COL9A2: variants seen among roughly 807,000 people sequenced by gnomAD.
COL9A2 encodes the protein collagen type IX alpha 2 chain, also known as collagen alpha-2(IX) chain.
A neutral mutation model predicts 111.6 loss-of-function variants in COL9A2; 66 were observed. That is an observed-to-expected ratio of 0.59 (90% CI 0.48 to 0.73). The LOEUF (loss-of-function observed/expected upper bound fraction) is 0.73. Among genes scored for constraint, COL9A2 ranks in the 30% least tolerant of loss-of-function variants. The pLI is 0.00. For synonymous variants in COL9A2, 353 were observed against 364.1 expected, an observed-to-expected ratio of 0.97 and a Z score of 0.35; for missense variants, 881 against 954.1, an observed-to-expected ratio of 0.92 and a Z score of 1.01.
Position 40,308,200 on chromosome 1 carries a change from C to T in COL9A2, c.892G>A (p.Gly298Arg). The T allele has an allele frequency of 6.2e-7, 1 of 1,614,154 alleles. No individual in the cohort carries two copies. Among genetic ancestry groups the T allele is most frequent in the Admixed American group, 1.7e-5 (1 of 60,028 alleles). ...RGPQGITGPK[G>R]ATGPPGINGK... ...AGGCCTCTGGCACCTACCGTTGCTC[C>T]TTTCGGGCCTGTGATCCCCTGGGGT... Residue 298 changes from glycine to arginine, a missense_variant, in exon 17 of 32, where the codon GGA becomes AGA. Physicochemically the swap from Gly to Arg is moderately radical, Grantham distance 125. Transcript: ENST00000372748.
In COL9A2 at chr1:40,314,333, A is replaced by C; in HGVS notation, c.186+19T>G. On this transcript the variant is annotated intron_variant, in intron 3 of 31. Coordinates refer to ENST00000372748, the MANE Select transcript of COL9A2 (RefSeq NM_001852.4). This position sits in a 1 kb window ranked among gnomAD's most constrained non-coding sequence, Gnocchi z 4.1. Reference sequence around the variant, plus strand: ...CAAGAGCAGGAAGGGTCAAAGGCCAAAGAGGATAAAGCACTCACCGGAGGG... The same window carrying C: ...CAAGAGCAGGAAGGGTCAAAGGCCACAGAGGATAAAGCACTCACCGGAGGG... The C allele has an allele frequency of 6.2e-7, 1 of 1,614,212 alleles. No homozygotes were observed. The highest frequency in any genetic ancestry group is 1.1e-5 in the South Asian group (1 of 91,090).
chr1:40,303,519 G>T lies in COL9A2; in HGVS notation c.1548+11C>A, dbSNP rs567587686. ...TAGAAGAAGCACCTCCTACCCCGGG[G>T]CCCGACTCACCTCCACGCCCTGTCT... On this transcript the variant is annotated intron_variant, in intron 28 of 31. Coordinates refer to ENST00000372748, the MANE Select transcript of COL9A2 (RefSeq NM_001852.4). The surrounding 1 kb of genome is among the most constrained non-coding windows in gnomAD (Gnocchi z 4.6). The T allele has an allele frequency of 1.2e-6, 2 of 1,612,730 alleles. No individual in the cohort carries two copies. The highest frequency in any genetic ancestry group is 3.3e-5 in the Admixed American group (2 of 59,972).
intron 21 of COL9A2, 81 bp downstream of exon 21, chr1:40,305,634 G>C: frequency 7.6e-7 from 1 of 1,312,614 alleles, no homozygotes. Context: ...AGACTAACTC[G>C]GAGCTCTCCC....
In COL9A2 at chr1:40,304,194, T is replaced by TC. The variant is rs1193922126; in HGVS notation, c.1288-96dup. 96 of 1,516,612 alleles carry TC rather than the reference T, an allele frequency of 6.3e-5. No individual in the cohort carries two copies. The South Asian group carries it at 1.0e-3, about 16-fold the overall frequency. The allele number at this position is 1,516,612 out of a possible 1,614,324, so 93.9% of individuals were successfully genotyped here. ...CCACACCCCTCTTTCCAACTCCGCCTCGCCGACCAGACCAGAACCCTGAGA... is the reference window on the plus strand; with the variant it reads ...CCACACCCCTCTTTCCAACTCCGCCTCCGCCGACCAGACCAGAACCCTGAGA... On this transcript the variant is annotated intron_variant, in intron 24 of 31. Coordinates refer to ENST00000372748, the MANE Select transcript of COL9A2 (RefSeq NM_001852.4).
rs1216203199 is a variant in COL9A2 at position 40,307,871 on chromosome 1, C to T, written c.901-115G>A. 13 of 1,192,134 alleles carry T rather than the reference C, an allele frequency of 1.1e-5. No homozygotes were observed. The South Asian group carries it at 1.7e-4, about 15-fold the overall frequency. The allele number at this position is 1,192,134 out of a possible 1,614,324, so 73.8% of individuals were successfully genotyped here. ...TGTGCAGGGAGGGAGTGGCTCTGGT[C>T]ATCCCAGGAAGCCCCACTGGCCAAC... is the stretch of plus-strand genomic sequence containing the variant. On this transcript the variant is annotated intron_variant, in intron 17 of 31. Coordinates refer to ENST00000372748, the MANE Select transcript of COL9A2 (RefSeq NM_001852.4). The surrounding 1 kb of genome is among the most constrained non-coding windows in gnomAD (Gnocchi z 4.8).
intron 21 of COL9A2, chr1:40,305,138 G>T (rs954901142): frequency 1.1e-5 from 3 of 271,954 alleles, no homozygotes; most frequent in South Asian, 5.3e-5. Context: ...CGCGATCTCC[G>T]CTCACTGCAA....
chr1:40,317,285 TCGCGGGCAGGGTGGGC>T, exon 1 of COL9A2: 3 of 500,382 alleles, frequency 6.0e-6, no homozygotes, highest in East Asian at 7.8e-5. The surrounding 1 kb of genome is among the most constrained non-coding windows in gnomAD (Gnocchi z 4.3). Context: ...CGCTGGCTGT[TCGCGGGCAGGGTGGGC>T]TGGGGCTCCT....
intron 2 of COL9A2, chr1:40,315,231 A>G (rs1413275109): frequency 4.7e-6 from 5 of 1,073,874 alleles, no homozygotes; most frequent in South Asian, 3.1e-5. Context: ...AAGGCTCCCA[A>G]GCGAACCTGA....
At chr1:40,301,953 C>A in intron 30 of COL9A2, 64 bp from the exon 31 acceptor site, 1 of 1,478,076 alleles carries the variant, frequency 6.8e-7, no homozygotes, top group Non-Finnish European at 9.3e-7. Context: ...CTATTTTTTG[C>A]TATGTTTCAC....
At position 40,301,349 on chromosome 1, in the gene COL9A2, C is replaced by A; in HGVS notation, c.1903G>T (p.Gly635Cys). ...GGGGACCCTCGATCTCCATCCTTGC[C>A]GTTGATTGCCTGGCCAGGCCGGCCA... is the stretch of plus-strand genomic sequence containing the variant. Reference protein sequence around the residue: ...LPGRPGQAINGKDGDRGSPGA... With the variant: ...LPGRPGQAINCKDGDRGSPGA... Residue 635 changes from glycine to cysteine, a missense_variant, in exon 32 of 32, where the codon GGC (glycine) becomes TGC (cysteine). Coordinates refer to ENST00000372748, the MANE Select transcript of COL9A2 (RefSeq NM_001852.4). The A allele has an allele frequency of 1.2e-6, 2 of 1,608,962 alleles. 1 individual carries two copies. Among genetic ancestry groups the A allele is most frequent in the South Asian group, 2.2e-5 (2 of 90,808 alleles).
chr1:40,310,114 T>C lies in COL9A2; in HGVS notation c.789A>G (p.Pro263=). Residue 263 remains proline (P), a synonymous_variant, in exon 15 of 32, where the codon CCA becomes CCG. Coordinates refer to ENST00000372748, the MANE Select transcript of COL9A2 (RefSeq NM_001852.4). This position sits in a 1 kb window ranked among gnomAD's most constrained non-coding sequence, Gnocchi z 4.9. ...AGGGGAGCAAAAAGAGGCTTACCGG[T>C]GGCCCAGTGGCACCGATAGCGCCCA... ...GMVGAIGATG[P]PGEEGPRGPP... The C allele has an allele frequency of 6.2e-7, 1 of 1,613,970 alleles. No homozygotes were observed. Among genetic ancestry groups the C allele is most frequent in the Non-Finnish European group, 8.5e-7 (1 of 1,179,898 alleles).
In COL9A2 at chr1:40,315,619, G is replaced by C. The variant is rs941343688; in HGVS notation, c.121C>G (p.Pro41Ala). The change falls in exon 2 of 32, where the codon CCG becomes GCG. Residue 41 changes from proline (P) to alanine (A), a missense_variant. Physicochemically the swap from Pro to Ala is conservative, Grantham distance 27 (BLOSUM62 -1). Coordinates refer to ENST00000372748, the MANE Select transcript of COL9A2 (RefSeq NM_001852.4). ...ERGPPGPPGP[P>A]GVPGSDGIDG... ...ATGCCGTCGGATCCAGGCACTCCCG[G>C]CGGTCCCGGGGGACCCGGGGGGCCC... The C allele has an allele frequency of 4.4e-5, 68 of 1,553,248 alleles. No homozygotes were observed. Among genetic ancestry groups the C allele is most frequent in the Non-Finnish European group, 5.8e-5 (67 of 1,147,570 alleles).
Position 40,307,375 on chromosome 1 carries a change from G to A in COL9A2, c.1008+71C>T. The A allele has an allele frequency of 7.0e-7, 1 of 1,435,218 alleles. No homozygotes were observed. The allele number at this position is 1,435,218 out of a possible 1,614,324, so 88.9% of individuals were successfully genotyped here. ...AGGTGGTGATTGAGCAAGAGCCCCG[G>A]GTGTGTGTGGATTCTAACCTCATCA... is the stretch of plus-strand genomic sequence containing the variant. On this transcript the variant is annotated intron_variant, in intron 19 of 31. Coordinates refer to ENST00000372748, the MANE Select transcript of COL9A2 (RefSeq NM_001852.4). The surrounding 1 kb of genome is among the most constrained non-coding windows in gnomAD (Gnocchi z 4.8).
At chr1:40,315,500 C>CA in intron 2 of COL9A2, 90 bp downstream of exon 2, 1 of 1,436,582 alleles carries the variant, frequency 7.0e-7, no homozygotes. Context: ...TCTCCGGGCA[C>CA]CCCGAAGTCC....
At chr1:40,304,910 GC>G in intron 21 of COL9A2, 63 bp from the exon 22 acceptor site, 1 of 1,435,096 alleles carries the variant, frequency 7.0e-7, no homozygotes, top group Non-Finnish European at 9.5e-7. Context: ...TCCACACCTG[GC>G]CAGCCCCTCC....
chr1:40,316,547 C>A lies in COL9A2; in HGVS notation c.75+576G>T. The A allele has an allele frequency of 4.4e-6, 2 of 450,704 alleles. No homozygotes were observed. The highest frequency in any genetic ancestry group is 8.9e-6 in the Non-Finnish European group (2 of 224,450). The allele number at this position is 450,704 out of a possible 1,614,324, so 27.9% of individuals were successfully genotyped here. ...GGCCAGCTCGGACCCAGGCAGGGGT[C>A]CCGGTGCCCACGACCTCCCCAGGCC... On this transcript the variant is annotated intron_variant, in intron 1 of 31. Transcript: ENST00000372748. This position sits in a 1 kb window ranked among gnomAD's most constrained non-coding sequence, Gnocchi z 5.5.
chr1:40,308,288 C>T (rs752989958), intron 16 of COL9A2, 43 bp from the exon 17 acceptor site: 7 of 1,594,184 alleles, frequency 4.4e-6, no homozygotes, highest in Non-Finnish European at 6.0e-6. Context: ...GGATGTTGGG[C>T]CCCTGTCTGG....
At chr1:40,315,067 C>T (rs1053571255) in intron 2 of COL9A2, among the ~76,000 whole-genome samples, 1 of 152,160 alleles carries the variant, frequency 6.6e-6, no homozygotes, top group Non-Finnish European at 1.5e-5. Flanking sequence ...TCTGTCCAGA[C>T]TGGTAAACAT....
At chr1:40,309,068 C>T (rs915198207) in intron 16 of COL9A2, among the ~76,000 whole-genome samples, 2 of 152,078 alleles carry the variant, frequency 1.3e-5, no homozygotes, top group Non-Finnish European at 2.9e-5. Flanking sequence ...ATGGTGAAAC[C>T]CTGTCTCTAC....
Sources: allele counts gnomAD v4.1 joint callset (sites outside exome capture counted in the v4.1 genomes callset), GRCh38; gene constraint gnomAD v4.1.1; non-coding constraint Gnocchi (gnomAD v3.1); transcripts MANE v1.5; gene names NCBI Gene and HGNC (gene_info 2026-07-23, HGNC 2026-07-21).